Variants in LAMC1 observed in about 807,000 individuals in gnomAD.
LAMC1 encodes the protein laminin subunit gamma 1.
A neutral mutation model predicts 173.6 loss-of-function variants in LAMC1; 38 were observed. The observed-to-expected ratio is 0.22, with a 90% CI of 0.17 to 0.29. The LOEUF (loss-of-function observed/expected upper bound fraction) is 0.29, where lower values mean the gene tolerates loss of function less well. LAMC1 is among the 10% of genes least tolerant of loss of function. LAMC1 has a pLI of 1.00. For missense variants in LAMC1, 1,824 were observed against 2,051.8 expected, an observed-to-expected ratio of 0.89 and a Z score of 2.14; for synonymous variants, 746 against 749.1, an observed-to-expected ratio of 1.00 and a Z score of 0.07.
intron 1 of LAMC1, among the ~76,000 whole-genome samples, chr1:183,060,560 A>G (rs915591791): frequency 3.3e-5 from 5 of 152,092 alleles, no homozygotes; most frequent in Admixed American, 2.0e-4. Context: ...TTGTGTTTCC[A>G]TAGTACCCTG....
At chr1:183,117,225 A>T in intron 8 of LAMC1, 95 bp from the exon 9 acceptor site, 1 of 1,345,214 alleles carries the variant, frequency 7.4e-7, no homozygotes, top group South Asian at 1.4e-5. Flanking sequence ...TTCTGTATAC[A>T]AGGTGTGGTC....
intron 1 of LAMC1, among the ~76,000 whole-genome samples, chr1:183,059,197 C>T (rs990880636): frequency 6.6e-6 from 1 of 152,138 alleles, no homozygotes; most frequent in African/African-American, 2.4e-5. Context: ...AATAAGAAAC[C>T]TACTCAGAGA....
intron 1 of LAMC1, among the ~76,000 whole-genome samples, chr1:183,024,481 T>G (rs1166162264): frequency 3.3e-5 from 5 of 152,178 alleles, no homozygotes; most frequent in Non-Finnish European, 5.9e-5. Flanking sequence ...ACTTTTCTCT[T>G]TGCTAGCAAG....
chr1:183,138,273 A>G (rs1056048107), intron 26 of LAMC1: 1 of 767,698 alleles, frequency 1.3e-6, no homozygotes. Flanking sequence ...AACATATGAA[A>G]CTTACATCTA....
chr1:183,031,967 T>C (rs1284847812), intron 1 of LAMC1, among the ~76,000 whole-genome samples: 1 of 152,068 alleles, frequency 6.6e-6, no homozygotes, highest in Non-Finnish European at 1.5e-5. Flanking sequence ...AGGGCCCTGC[T>C]GGAATTTGCA....
intron 26 of LAMC1, 141 bp from the exon 27 acceptor site, chr1:183,140,263 A>AAAAAAAAAAAAAAAAC (rs1657073291): frequency 2.2e-6 from 1 of 451,768 alleles, no homozygotes; most frequent in Non-Finnish European, 3.9e-6. Context: ...AAAAAAAAAA[A>AAAAAAAAAAAAAAAAC]AAGCAATGAG....
At chr1:183,038,744 C>T (rs997401053) in intron 1 of LAMC1, among the ~76,000 whole-genome samples, 3 of 152,018 alleles carry the variant, frequency 2.0e-5, no homozygotes, top group African/African-American at 7.2e-5. Context: ...AAATCCTCGA[C>T]CATTTTATTA....
At chr1:183,047,260 A>G (rs1200195250) in intron 1 of LAMC1, among the ~76,000 whole-genome samples, 1 of 152,152 alleles carries the variant, frequency 6.6e-6, no homozygotes, top group African/African-American at 2.4e-5. Context: ...GTATTTCCCT[A>G]AAAAACAAAG....
In LAMC1 at chr1:183,077,786, A is replaced by G. The variant is rs1047394571; in HGVS notation, c.419-25542A>G. ...TTTTATGGCCATTGTGTATATATAT[A>G]TATATATATACAGTAGCACAGTTTT... On this transcript the variant is annotated intron_variant, in intron 1 of 27. Transcript: ENST00000258341. Among the ~76,000 whole-genome samples the G allele has an allele frequency of 2.4e-3, 298 of 122,658 alleles. 6 individuals carry two copies. Among genetic ancestry groups the G allele is most frequent in the Middle Eastern group, 4.0e-3 (1 of 252 alleles). 80.5% of individuals were successfully genotyped at this position (122,658 alleles called of 152,430 possible).
intron 1 of LAMC1, 64 bp downstream of exon 1, chr1:183,024,198 C>T: frequency 6.9e-7 from 1 of 1,454,298 alleles, no homozygotes. Context: ...GGACCGGCTC[C>T]GTCCCAGTGG....
chr1:183,121,801 G>GA lies in LAMC1; in HGVS notation c.2069_2070insA (p.Cys690Ter). ...PGVPATWVES[C>*]TCPVGYGGQF... ...GTCCCTGCAACTTGGGTGGAGTCCT[G>GA]CACCTGTCCTGTGGGATATGGAGGG... Residue 690 changes from cysteine (C) to a stop codon, truncating the protein, a stop_gained and frameshift_variant, in exon 12 of 28, where the codon TGC (cysteine) becomes TGAC (stop). Transcript: ENST00000258341. LOFTEE classifies it high-confidence loss of function. 1.9e-6 allele frequency: 3 copies of GA among 1,614,188 alleles called. No homozygotes were observed. The highest frequency in any genetic ancestry group is 2.5e-6 in the Non-Finnish European group (3 of 1,180,030).
rs1313668485 is a variant in LAMC1 at position 183,089,750 on chromosome 1, C to G, written c.419-13578C>G. ...TTGTCGTGGCAGATTATCAAATGTTCTAAATTGAGGCTGTTCTAGGACATA... is the reference window on the plus strand; with the variant it reads ...TTGTCGTGGCAGATTATCAAATGTTGTAAATTGAGGCTGTTCTAGGACATA... On this transcript the variant is annotated intron_variant, in intron 1 of 27. Transcript: ENST00000258341. 2.0e-5 allele frequency among the ~76,000 whole-genome samples: 3 copies of G among 152,096 alleles called. No homozygotes were observed. In the East Asian group the frequency reaches 5.8e-4, roughly 29 times the overall value.
chr1:183,126,268 G>C lies in LAMC1; in HGVS notation c.2944+6G>C. 1.2e-6 allele frequency: 2 copies of C among 1,612,112 alleles called. No homozygotes were observed. The highest frequency in any genetic ancestry group is 1.1e-5 in the South Asian group (1 of 90,574). ...TGGACCTGAAGGCTGCAAACGTAAG[G>C]GGTGTTGGTGGCATACAACTCTAAG... On this transcript the variant is annotated splice_donor_region_variant and intron_variant, in intron 16 of 27. Coordinates refer to ENST00000258341, the MANE Select transcript of LAMC1 (RefSeq NM_002293.4).
At chr1:183,041,417 T>C (rs778608504) in intron 1 of LAMC1, among the ~76,000 whole-genome samples, 9 of 152,180 alleles carry the variant, frequency 5.9e-5, no homozygotes, top group South Asian at 2.1e-4. Flanking sequence ...TCCAAGAAGA[T>C]TTTGCTAATT....
intron 1 of LAMC1, among the ~76,000 whole-genome samples, chr1:183,101,075 T>C (rs1434643254): frequency 6.6e-6 from 1 of 152,192 alleles, no homozygotes. Flanking sequence ...GATGCCTTGA[T>C]TGATTTTACC....
intron 1 of LAMC1, among the ~76,000 whole-genome samples, chr1:183,044,928 TAAA>T (rs201754038): frequency 2.1e-5 from 3 of 142,690 alleles, no homozygotes; most frequent in Non-Finnish European, 4.6e-5. Flanking sequence ...TCTCAATGCT[TAAA>T]AAAAAAAAAA....
intron 2 of LAMC1, among the ~76,000 whole-genome samples, chr1:183,105,980 C>T (rs1288474511): frequency 6.6e-6 from 1 of 152,214 alleles, no homozygotes; most frequent in East Asian, 1.9e-4. Context: ...TATAATGTGA[C>T]AAGCACTGTT....
chr1:183,105,224 CAAAAAAAAAAAAA>C (rs35512159), intron 2 of LAMC1, among the ~76,000 whole-genome samples: 1 of 42,852 alleles, frequency 2.3e-5, no homozygotes, highest in Non-Finnish European at 4.3e-5. Context: ...GACTCCATCT[CAAAAAAAAAAAAA>C]AAAAAAAAAG....
At chr1:183,123,345 C>T (rs1419590795) in intron 13 of LAMC1, among the ~76,000 whole-genome samples, 2 of 152,188 alleles carry the variant, frequency 1.3e-5, no homozygotes, top group Non-Finnish European at 2.9e-5. Flanking sequence ...TCACCTGCTC[C>T]CCTACAATGG....
Sources: gnomAD v4.1 joint callset for allele counts (sites outside exome capture counted in the v4.1 genomes callset) on GRCh38, gnomAD v4.1.1 for gene constraint, MANE v1.5 for transcripts, NCBI Gene and HGNC (gene_info 2026-07-23, HGNC 2026-07-21) for gene names.